GCNT1: variants seen among roughly 807,000 people sequenced by gnomAD.
The protein encoded by GCNT1 is glucosaminyl (N-acetyl) transferase 1, also known as beta-1,3-galactosyl-O-glycosyl-glycoprotein beta-1,6-N-acetylglucosaminyltransferase.
GCNT1 carries 16 observed loss-of-function variants against 26.2 expected under a neutral mutation model. The observed-to-expected ratio is 0.61, with a 90% CI of 0.41 to 0.93. The LOEUF (loss-of-function observed/expected upper bound fraction) is 0.93. GCNT1 is among the 40% of genes least tolerant of loss of function. The pLI is 0.00. For synonymous variants in GCNT1, 183 were observed against 190.8 expected (o/e 0.96, Z 0.34); for missense variants, 477 against 526.7 (o/e 0.91, Z 0.92).
chr9:76,452,369 T>C (rs1823681939), intron 1 of GCNT1, among the ~76,000 whole-genome samples: 1 of 152,234 alleles, frequency 6.6e-6, no homozygotes, highest in Non-Finnish European at 1.5e-5. Flanking sequence ...CTTTAAATTA[T>C]GCTCCACTAG....
intron 1 of GCNT1, among the ~76,000 whole-genome samples, chr9:76,426,646 C>T (rs1055665192): frequency 2.6e-5 from 4 of 151,856 alleles, no homozygotes; most frequent in African/African-American, 9.7e-5. Context: ...CCTGTAATCC[C>T]GCACTTTGGG....
upstream of GCNT1, among the ~76,000 whole-genome samples, chr9:76,438,708 T>C (rs563255302): frequency 3.3e-5 from 5 of 152,052 alleles, no homozygotes; most frequent in African/African-American, 1.2e-4. Flanking sequence ...GTACCAGGGG[T>C]TTCCAATCTT....
At chr9:76,495,227 G>A (rs58656664) in intron 2 of GCNT1, among the ~76,000 whole-genome samples, 12,548 of 152,152 alleles carry the variant, frequency 0.082, 575 homozygotes, top group Middle Eastern at 0.17. Flanking sequence ...GAATAAAGCC[G>A]CGGACCTTTG....
chr9:76,413,071 T>A, the GCNT1 span, among the ~76,000 whole-genome samples: 13 of 152,234 alleles, frequency 8.5e-5, no homozygotes, highest in African/African-American at 3.1e-4. Flanking sequence ...GTTGGCCCCA[T>A]GGGGCATGCT....
At chr9:76,402,326 G>A in the GCNT1 span, among the ~76,000 whole-genome samples, 1 of 152,108 alleles carries the variant, frequency 6.6e-6, no homozygotes, top group Non-Finnish European at 1.5e-5. Flanking sequence ...TGTTTGTACT[G>A]TTGTATCATA....
At chr9:76,428,269 AAAAAAAAAAAAAAAAAAAAACTT>A (rs1194866474) in intron 1 of GCNT1, among the ~76,000 whole-genome samples, 3 of 133,532 alleles carry the variant, frequency 2.2e-5, no homozygotes, top group Admixed American at 7.2e-5. Flanking sequence ...CCGTCTCAAA[AAAAAAAAAAAAAAAAAAAAACTT>A]AAAAAAAAAA....
At chr9:76,404,882 A>C in the GCNT1 span, among the ~76,000 whole-genome samples, 1 of 151,484 alleles carries the variant, frequency 6.6e-6, no homozygotes, top group Non-Finnish European at 1.5e-5. Flanking sequence ...CAGTGGCGTG[A>C]CCTCAGCTCA....
rs868811645 is a variant in GCNT1, at chr9:76,429,630, T to G, written n.38+9743T>G. Among the ~76,000 whole-genome samples the G allele has an allele frequency of 3.3e-5, 5 of 152,206 alleles. No individual in the cohort carries two copies. In the Middle Eastern group the frequency reaches 0.017, roughly 518 times the overall value. ...ATCATTTAGGAGGCTAGGTCCAGCTTGCTCACATACAAGCAGAAAGATTCT... is the reference window on the plus strand; with the variant it reads ...ATCATTTAGGAGGCTAGGTCCAGCTGGCTCACATACAAGCAGAAAGATTCT... On this transcript the variant is annotated intron_variant and non_coding_transcript_variant, in intron 1 of 3. Transcript: ENST00000488136.
chr9:76,455,548 ACAAAG>A (rs1823744141), upstream of GCNT1, among the ~76,000 whole-genome samples: 1 of 152,144 alleles, frequency 6.6e-6, no homozygotes, highest in Non-Finnish European at 1.5e-5. Context: ...CTCCAGTAAC[ACAAAG>A]TATAGGTCAA....
chr9:76,415,048 C>T (rs1042569356), upstream of GCNT1, among the ~76,000 whole-genome samples: 3 of 152,102 alleles, frequency 2.0e-5, no homozygotes, highest in South Asian at 6.2e-4. Flanking sequence ...CTTTATGTGC[C>T]CTTTAGCTGT....
intron 2 of GCNT1, among the ~76,000 whole-genome samples, chr9:76,462,518 C>T (rs936724431): frequency 2.0e-5 from 3 of 152,332 alleles, no homozygotes; most frequent in Admixed American, 2.0e-4. Context: ...TACTAAATGC[C>T]AGTGCACCCT....
chr9:76,415,101 C>T (rs1325929420), upstream of GCNT1, among the ~76,000 whole-genome samples: 1 of 152,014 alleles, frequency 6.6e-6, no homozygotes, highest in Admixed American at 6.6e-5. Flanking sequence ...TTCTGTTGCC[C>T]AGGCTGGAGT....
intron 2 of GCNT1, among the ~76,000 whole-genome samples, chr9:76,486,035 T>A (rs1824564705): frequency 6.6e-6 from 1 of 152,204 alleles, no homozygotes; most frequent in Admixed American, 6.5e-5. Context: ...CCTGGCCAGA[T>A]CCTGTCTTTT....
rs1279001629 is a variant in GCNT1, at chr9:76,428,292, T to TAAAAAAAAAAAAAAAAAAAAAAAAA, written n.38+8416_38+8417insAAAAAAAAAAAAAAAAAAAAAAAAA. On this transcript the variant is annotated intron_variant and non_coding_transcript_variant, in intron 1 of 3. Transcript: ENST00000488136. ...AAAAAAAAAAAAAAAAAAAAAAACT[T>TAAAAAAAAAAAAAAAAAAAAAAAAA]AAAAAAAAAAAGAGAGAGAGAAATG... 3.7e-4 allele frequency among the ~76,000 whole-genome samples: 32 copies of TAAAAAAAAAAAAAAAAAAAAAAAAA among 85,912 alleles called. 2 individuals carry two copies. The highest frequency in any genetic ancestry group is 4.9e-4 in the Non-Finnish European group (19 of 38,804). 56.4% of individuals were successfully genotyped at this position (85,912 alleles called of 152,430 possible). A position where few individuals can be genotyped will look rare whatever the true frequency, so the allele number is the denominator to read the frequency against.
chr9:76,445,219 A>T (rs556308873), intron 1 of GCNT1, among the ~76,000 whole-genome samples: 1 of 152,164 alleles, frequency 6.6e-6, no homozygotes, highest in Non-Finnish European at 1.5e-5. Flanking sequence ...CAAGTATAAC[A>T]TCAGAGGATG....
chr9:76,454,448 C>T (rs1823720217), upstream of GCNT1, among the ~76,000 whole-genome samples: 1 of 146,180 alleles, frequency 6.8e-6, no homozygotes, highest in East Asian at 2.0e-4. Flanking sequence ...GAGCAGGTGG[C>T]CCAATCAGGC....
At position 76,433,539 on chromosome 9, in the gene GCNT1, G is replaced by A. The variant is rs115374633; in HGVS notation, n.38+13652G>A. On this transcript the variant is annotated intron_variant and non_coding_transcript_variant, in intron 1 of 3. Transcript: ENST00000488136. ...CCCACATGTAGACTGCTCCTGTGCTGGCCTTTGGAGAGGCCAGCCAGACCC... is the reference window on the plus strand; with the variant it reads ...CCCACATGTAGACTGCTCCTGTGCTAGCCTTTGGAGAGGCCAGCCAGACCC... Among the ~76,000 whole-genome samples, 391 of 152,224 alleles carry A rather than the reference G, an allele frequency of 2.6e-3. 1 individual carries two copies. The highest frequency in any genetic ancestry group is 8.7e-3 in the African/African-American group (362 of 41,522).
At chr9:76,467,972 T>G (rs1824043265) in intron 2 of GCNT1, among the ~76,000 whole-genome samples, 1 of 122,946 alleles carries the variant, frequency 8.1e-6, no homozygotes, top group Non-Finnish European at 1.6e-5. Context: ...AGTGGCACAA[T>G]CTCAGGTCAC....
upstream of GCNT1, among the ~76,000 whole-genome samples, chr9:76,439,223 C>CTTTTTTTTTTTTTTTT (rs71499153): frequency 2.5e-5 from 3 of 120,128 alleles, no homozygotes; most frequent in African/African-American, 3.1e-5. Context: ...TTTTCTTTTT[C>CTTTTTTTTTTTTTTTT]TTTTTTTTTT....
Sources: gnomAD v4.1 joint callset for allele counts (sites outside exome capture counted in the v4.1 genomes callset) on GRCh38, gnomAD v4.1.1 for gene constraint, MANE v1.5 for transcripts, NCBI Gene and HGNC (gene_info 2026-07-23, HGNC 2026-07-21) for gene names.